The following DNAH6 variants were observed in gnomAD, a reference collection of about 807,000 sequenced individuals.
DNAH6 encodes the protein axonemal beta dynein heavy chain 6.
A neutral mutation model predicts 491.4 loss-of-function variants in DNAH6; 340 were observed. The observed-to-expected ratio is 0.69, with a 90% CI of 0.63 to 0.76. The LOEUF is 0.76. Among genes scored for constraint, DNAH6 ranks in the 30% least tolerant of loss-of-function variants. The probability of loss-of-function intolerance (pLI) is 0.00; values close to 1 mark genes in which losing one functional copy is unlikely to be tolerated. For synonymous variants in DNAH6, 1,603 were observed against 1,686.1 expected (o/e 0.95, Z 1.21); for missense variants, 4,443 against 4,972.2 (o/e 0.89, Z 3.20).
chr2:84,473,974 C>G, the DNAH6 span, among the ~76,000 whole-genome samples: 14 of 151,880 alleles, frequency 9.2e-5, no homozygotes, highest in African/African-American at 2.4e-4. Flanking sequence ...GGCAAATAGT[C>G]AGACTATTTA....
chr2:84,463,911 T>C, the DNAH6 span, among the ~76,000 whole-genome samples: 1 of 152,364 alleles, frequency 6.6e-6, no homozygotes, highest in East Asian at 1.9e-4. Context: ...TGGAGTTTTC[T>C]GCCTATTCGA....
chr2:84,713,058 T>G (rs1447099294), intron 56 of DNAH6, 37 bp from the exon 57 acceptor site: 1 of 1,515,636 alleles, frequency 6.6e-7, no homozygotes, highest in African/African-American at 1.4e-5. Context: ...TTTAATTGCT[T>G]CTTTTTGTAT....
At chr2:84,767,566 G>A (rs183142264) in intron 64 of DNAH6, among the ~76,000 whole-genome samples, 236 of 149,378 alleles carry the variant, frequency 1.6e-3, no homozygotes, top group East Asian at 6.4e-3. Flanking sequence ...ATTTATAAGC[G>A]TATATATATA....
intron 18 of DNAH6, among the ~76,000 whole-genome samples, chr2:84,598,945 G>A (rs1035056295): frequency 1.3e-5 from 2 of 149,204 alleles, no homozygotes; most frequent in African/African-American, 2.5e-5. Flanking sequence ...CAGGAGAATC[G>A]CTTGAACCTG....
chr2:84,537,104 A>AT (rs1446898804), intron 4 of DNAH6, among the ~76,000 whole-genome samples: 1 of 151,954 alleles, frequency 6.6e-6, no homozygotes, highest in Non-Finnish European at 1.5e-5. Flanking sequence ...TTGTAGAATG[A>AT]TTTTCTCCTG....
At chr2:84,611,982 C>A in intron 22 of DNAH6, 128 bp downstream of exon 22, 1 of 752,674 alleles carries the variant, frequency 1.3e-6, no homozygotes, top group Non-Finnish European at 2.0e-6. Flanking sequence ...TGATTCTAGT[C>A]AGCATGGATG....
At chr2:84,651,406 A>G (rs1690441511) in intron 33 of DNAH6, among the ~76,000 whole-genome samples, 6 of 152,204 alleles carry the variant, frequency 3.9e-5, no homozygotes, top group Admixed American at 3.9e-4. Flanking sequence ...CACCCTAGCT[A>G]GAGTGGAAGT....
chr2:84,584,128 C>A lies in DNAH6; in HGVS notation c.2359C>A (p.Arg787=). ...ATMKPSIVAV[R]NAIDKSVGDR... ...TATGAAGCCATCCATTGTTGCTGTT[C>A]GGAATGCCATTGATAAATCAGTGGG... The change falls in exon 15 of 77, where the codon CGG becomes AGG. Residue 787 remains arginine, a synonymous_variant. Coordinates refer to ENST00000389394, the MANE Select transcript of DNAH6 (RefSeq NM_001370.2). The A allele has an allele frequency of 6.2e-7, 1 of 1,614,032 alleles. No homozygotes were observed. Among genetic ancestry groups the A allele is most frequent in the Non-Finnish European group, 8.5e-7 (1 of 1,180,010 alleles).
At chr2:84,574,763 G>T (rs934548231) in intron 12 of DNAH6, among the ~76,000 whole-genome samples, 4 of 152,170 alleles carry the variant, frequency 2.6e-5, no homozygotes, top group African/African-American at 9.7e-5. Context: ...GCAGGGTATG[G>T]AGCCTGGAAT....
chr2:84,675,964 C>T (rs1693199216), intron 40 of DNAH6, among the ~76,000 whole-genome samples: 1 of 152,148 alleles, frequency 6.6e-6, no homozygotes, highest in Non-Finnish European at 1.5e-5. Flanking sequence ...ATGGTATTAA[C>T]CTCTGTCCTT....
intron 56 of DNAH6, among the ~76,000 whole-genome samples, chr2:84,710,753 C>T (rs980162077): frequency 3.3e-5 from 5 of 151,626 alleles, no homozygotes; most frequent in Non-Finnish European, 5.9e-5. Flanking sequence ...AATAATGATG[C>T]GAAGCCAGTA....
intron 23 of DNAH6, among the ~76,000 whole-genome samples, chr2:84,618,161 G>A (rs1342073773): frequency 3.3e-5 from 5 of 152,126 alleles, no homozygotes; most frequent in African/African-American, 1.2e-4. Context: ...GGAATTAGAA[G>A]TTTTCACTGG....
At chr2:84,696,022 C>T (rs1330806619) in intron 46 of DNAH6, among the ~76,000 whole-genome samples, 1 of 151,738 alleles carries the variant, frequency 6.6e-6, no homozygotes, top group Non-Finnish European at 1.5e-5. Flanking sequence ...ATACACAAAA[C>T]ATTATAAATG....
intron 17 of DNAH6, 78 bp from the exon 18 acceptor site, chr2:84,595,566 TAA>T: frequency 7.7e-7 from 1 of 1,298,848 alleles, no homozygotes; most frequent in Non-Finnish European, 1.0e-6. Context: ...GATTAACTTT[TAA>T]AAGTTTTTTT....
At chr2:84,508,675 A>G in the DNAH6 span, among the ~76,000 whole-genome samples, 1 of 151,774 alleles carries the variant, frequency 6.6e-6, no homozygotes, top group Non-Finnish European at 1.5e-5. Flanking sequence ...TCAATTTTAG[A>G]TCTTTCCTGC....
At chr2:84,680,538 G>T (rs1693682096) in intron 41 of DNAH6, among the ~76,000 whole-genome samples, 1 of 151,964 alleles carries the variant, frequency 6.6e-6, no homozygotes, top group Admixed American at 6.6e-5. Flanking sequence ...AAGCAGAGAG[G>T]GCTGGGCACA....
intron 62 of DNAH6, among the ~76,000 whole-genome samples, chr2:84,742,116 C>T (rs563571872): frequency 1.3e-5 from 2 of 152,324 alleles, no homozygotes; most frequent in Admixed American, 6.5e-5. Flanking sequence ...TATTCTGGCT[C>T]TTCTCCATGG....
chr2:84,790,087 A>T (rs1677601226), intron 68 of DNAH6, among the ~76,000 whole-genome samples: 1 of 152,240 alleles, frequency 6.6e-6, no homozygotes, highest in Admixed American at 6.5e-5. Context: ...AATGGAACAG[A>T]GTTGAGAATC....
rs893672752 is a variant in DNAH6 at position 84,604,484 on chromosome 2, G to A, written c.3014G>A (p.Gly1005Asp). The change falls in exon 19 of 77, where the codon GGT becomes GAT. Residue 1005 changes from glycine to aspartate, a missense_variant. Physicochemically the swap from Gly to Asp is moderately conservative, Grantham distance 94. Coordinates refer to ENST00000389394, the MANE Select transcript of DNAH6 (RefSeq NM_001370.2). ...RLSQLHVFDFGQEIQDISGQA... is the reference protein window; with the variant it reads ...RLSQLHVFDFDQEIQDISGQA... ...TCCCAGTTGCATGTTTTTGACTTTG[G>A]TCAAGAAATCCAGGACATATCTGGA... 8.4e-6 allele frequency: 13 copies of A among 1,551,566 alleles called. No homozygotes were observed. The African/African-American group carries it at 1.1e-4, about 13-fold the overall frequency.
Sources: gnomAD v4.1 joint callset for allele counts (sites outside exome capture counted in the v4.1 genomes callset) on GRCh38, gnomAD v4.1.1 for gene constraint, MANE v1.5 for transcripts, NCBI Gene and HGNC (gene_info 2026-07-23, HGNC 2026-07-21) for gene names.